Variants in USP31 observed in about 807,000 individuals in gnomAD.
USP31 encodes ubiquitin specific peptidase 31.
In USP31, 44 loss-of-function variants were observed where a neutral mutation model predicts 119.4. That is an observed-to-expected ratio of 0.37 (90% CI 0.29 to 0.47). The LOEUF is 0.47. USP31 is among the 20% of genes least tolerant of loss of function. The pLI is 0.99. For synonymous variants in USP31, 749 were observed against 705.6 expected (o/e 1.06, Z -0.97); for missense variants, 1,643 against 1,730.2 (o/e 0.95, Z 0.89).
chr16:23,088,455 A>T (rs1439650063), intron 7 of USP31, among the ~76,000 whole-genome samples: 1 of 152,180 alleles, frequency 6.6e-6, no homozygotes, highest in Non-Finnish European at 1.5e-5. Flanking sequence ...GAGCACTGAG[A>T]TGTTTTTAGG....
rs143964057 is a variant in USP31 at position 23,068,773 on chromosome 16, G to A, written c.3332C>T (p.Ser1111Leu). ...PKSQDSVSSP[S>L]PQKQKSASAL... The stretch of plus-strand genomic sequence containing the variant: ...CGAGGCTGACTTCTGCTTCTGTGGC[G>A]AAGGAGATGACACGGAGTCCTGAGA... Residue 1111 changes from serine to leucine, a missense_variant, in exon 16 of 16, where the codon TCG becomes TTG. Physicochemically the swap from Ser to Leu is moderately radical, Grantham distance 145 (BLOSUM62 -2). Transcript: ENST00000219689. 4.7e-4 allele frequency: 749 copies of A among 1,577,014 alleles called. 1 individual carries two copies. Among genetic ancestry groups the A allele is most frequent in the Non-Finnish European group, 6.3e-4 (731 of 1,163,720 alleles).
chr16:23,144,136 T>C (rs1298771501), intron 1 of USP31, among the ~76,000 whole-genome samples: 1 of 152,046 alleles, frequency 6.6e-6, no homozygotes, highest in East Asian at 1.9e-4. Flanking sequence ...AAAACTCAAA[T>C]CAATGTGGTT....
rs1900018243 is a variant in USP31 at position 23,065,285 on chromosome 16, C to T, written c.*2761G>A. On this transcript the variant is annotated 3_prime_UTR_variant, in exon 16 of 16. Coordinates refer to ENST00000219689, the MANE Select transcript of USP31 (RefSeq NM_020718.4). ...GCAGATAATTTTTAACCCCAAAGCA[C>T]ATACACGCTCATTGTGCTAAATATT... 6.8e-6 allele frequency: 1 copy of T among 146,170 alleles called. No individual in the cohort carries two copies. The highest frequency in any genetic ancestry group is 2.5e-5 in the African/African-American group (1 of 39,356). 9.1% of individuals were successfully genotyped at this position (146,170 alleles called of 1,614,324 possible). A position where few individuals can be genotyped will look rare whatever the true frequency, so the allele number is the denominator to read the frequency against.
At chr16:23,105,413 G>A in intron 5 of USP31, 28 bp downstream of exon 5, 1 of 1,552,908 alleles carries the variant, frequency 6.4e-7, no homozygotes, top group Non-Finnish European at 8.7e-7. Context: ...TGTGGCTCAT[G>A]TGTAACTGGT....
chr16:23,136,451 G>A (rs965258531), intron 1 of USP31, among the ~76,000 whole-genome samples: 76 of 152,032 alleles, frequency 5.0e-4, no homozygotes, highest in Middle Eastern at 3.4e-3. Flanking sequence ...TCAGGAGTTC[G>A]AGACCAGCCT....
At position 23,103,209 on chromosome 16, in the gene USP31, T is replaced by C. The variant is rs568382962; in HGVS notation, c.1090-746A>G. On this transcript the variant is annotated intron_variant, in intron 5 of 15. Coordinates refer to ENST00000219689, the MANE Select transcript of USP31 (RefSeq NM_020718.4). ...AAAGTTCTACAACGATTCAGCCTCA[T>C]GTCAAGGACAGAGTCCACATCTGAC... 3.3e-5 allele frequency among the ~76,000 whole-genome samples: 5 copies of C among 152,310 alleles called. No individual in the cohort carries two copies. In the South Asian group the frequency reaches 8.3e-4, roughly 25 times the overall value.
At chr16:23,111,394 T>G (rs1220606581) in intron 1 of USP31, among the ~76,000 whole-genome samples, 1 of 152,124 alleles carries the variant, frequency 6.6e-6, no homozygotes, top group Non-Finnish European at 1.5e-5. Context: ...CCTACCTAGA[T>G]GATGAGCAAC....
chr16:23,117,037 C>G lies in USP31; in HGVS notation c.634-8854G>C, dbSNP rs4967972. ...TGTGTTATACTTACCAGCTGAGTATCCCAAATTTGAAAATTCAAAATCCAA... is the reference window on the plus strand; with the variant it reads ...TGTGTTATACTTACCAGCTGAGTATGCCAAATTTGAAAATTCAAAATCCAA... On this transcript the variant is annotated intron_variant, in intron 1 of 15. Coordinates refer to ENST00000219689, the MANE Select transcript of USP31 (RefSeq NM_020718.4). 8.2e-3 allele frequency among the ~76,000 whole-genome samples: 1,246 copies of G among 152,288 alleles called. 9 individuals are homozygous for G. The highest frequency in any genetic ancestry group is 0.013 in the African/African-American group (550 of 41,570).
At chr16:23,102,262 A>T in intron 6 of USP31, 57 bp downstream of exon 6, 1 of 1,546,510 alleles carries the variant, frequency 6.5e-7, no homozygotes, top group Non-Finnish European at 8.7e-7. Context: ...CTAAAAAGGT[A>T]GACTATAGTT....
chr16:23,108,346 C>T (rs1038272047), intron 1 of USP31, among the ~76,000 whole-genome samples, 163 bp from the exon 2 acceptor site: 1 of 152,122 alleles, frequency 6.6e-6, no homozygotes, highest in Non-Finnish European at 1.5e-5. Context: ...AAAACCTCAC[C>T]CCTAGAAACA....
chr16:23,115,157 G>T (rs1252977791), intron 1 of USP31, among the ~76,000 whole-genome samples: 4 of 152,128 alleles, frequency 2.6e-5, no homozygotes, highest in Non-Finnish European at 4.4e-5. Flanking sequence ...CCCGGAAAGT[G>T]ATCTGGTATA....
chr16:23,075,501 G>C (rs1345588476), intron 13 of USP31, among the ~76,000 whole-genome samples: 2 of 152,166 alleles, frequency 1.3e-5, no homozygotes, highest in Admixed American at 1.3e-4. Flanking sequence ...CTCTAGGCCA[G>C]TGCTACTAGA....
intron 1 of USP31, among the ~76,000 whole-genome samples, chr16:23,123,714 A>G (rs914748955): frequency 9.9e-5 from 15 of 152,208 alleles, no homozygotes; most frequent in Non-Finnish European, 1.8e-4. Context: ...AGAAACTGCA[A>G]AATAGTCGGG....
chr16:23,076,472 G>A (rs1900580539), intron 13 of USP31, among the ~76,000 whole-genome samples: 1 of 152,118 alleles, frequency 6.6e-6, no homozygotes. Context: ...CCTGGGTAAT[G>A]GGTTCCTTGA....
intron 1 of USP31, among the ~76,000 whole-genome samples, chr16:23,120,495 G>A (rs1343522761): frequency 1.3e-5 from 2 of 152,146 alleles, no homozygotes; most frequent in East Asian, 3.9e-4. Flanking sequence ...CCAACCTCTG[G>A]ATCTTAACCA....
intron 13 of USP31, chr16:23,079,089 G>C (rs1299671190): frequency 6.6e-6 from 1 of 152,188 alleles, no homozygotes; most frequent in African/African-American, 2.4e-5. Flanking sequence ...GTGTTTATTA[G>C]GTACAGAGTT....
intron 1 of USP31, among the ~76,000 whole-genome samples, chr16:23,134,937 T>A (rs1464429457): frequency 6.6e-6 from 1 of 151,466 alleles, no homozygotes; most frequent in Non-Finnish European, 1.5e-5. Context: ...AGAGCTCTTA[T>A]AAAGTTTAAA....
In USP31 at chr16:23,123,639, CAGTTT is replaced by C. The variant is rs113416860; in HGVS notation, c.634-15461_634-15457del. ...TTAGTCAGATGCTCAGACTCTAACT[CAGTTT>C]AGTTAAGTCTTATTTAGAGCCGATT... On this transcript the variant is annotated intron_variant, in intron 1 of 15. Transcript: ENST00000219689. Among the ~76,000 whole-genome samples, 1,088 of 152,268 alleles carry C rather than the reference CAGTTT, an allele frequency of 7.1e-3. 10 individuals are homozygous for C. Among genetic ancestry groups the C allele is most frequent in the African/African-American group, 0.024 (1,003 of 41,540 alleles).
chr16:23,115,109 T>G (rs1376252002), intron 1 of USP31, among the ~76,000 whole-genome samples: 1 of 152,192 alleles, frequency 6.6e-6, no homozygotes, highest in Admixed American at 6.5e-5. Context: ...ATAAGACCCC[T>G]GCATCCCAAA....
Sources: allele counts gnomAD v4.1 joint callset (sites outside exome capture counted in the v4.1 genomes callset), GRCh38; gene constraint gnomAD v4.1.1; transcripts MANE v1.5; gene names NCBI Gene and HGNC (gene_info 2026-07-23, HGNC 2026-07-21).